Variants in EHMT1 observed in about 807,000 individuals in gnomAD.
EHMT1 encodes euchromatic histone lysine methyltransferase 1, also known as histone-lysine N-methyltransferase EHMT1.
A neutral mutation model predicts 147.2 loss-of-function variants in EHMT1; 15 were observed. That is an observed-to-expected ratio of 0.10 (90% CI 0.07 to 0.16). The LOEUF (loss-of-function observed/expected upper bound fraction) is 0.16, where lower values mean the gene tolerates loss of function less well. Ranked by LOEUF, EHMT1 falls within the 10% of genes least tolerant of loss-of-function variation. EHMT1 has a pLI of 1.00. For synonymous variants in EHMT1, 795 were observed against 709.6 expected, an observed-to-expected ratio of 1.12 and a Z score of -1.91; for missense variants, 1,587 against 1,772.4, an observed-to-expected ratio of 0.90 and a Z score of 1.88.
chr9:137,635,536 C>T (rs1843957836), intron 1 of EHMT1, among the ~76,000 whole-genome samples: 1 of 149,874 alleles, frequency 6.7e-6, no homozygotes, highest in African/African-American at 2.4e-5. Flanking sequence ...TTAACATTTT[C>T]AGAGCTGGGC....
intron 25 of EHMT1, among the ~76,000 whole-genome samples, chr9:137,831,929 C>T (rs1475755914): frequency 6.6e-6 from 1 of 151,774 alleles, no homozygotes; most frequent in Non-Finnish European, 1.5e-5. Context: ...GCTCCCTCCA[C>T]AGGCTCCGCC....
chr9:137,765,130 T>C (rs1221410270), intron 10 of EHMT1, among the ~76,000 whole-genome samples: 1 of 152,244 alleles, frequency 6.6e-6, no homozygotes, highest in African/African-American at 2.4e-5. Flanking sequence ...ATCCATTGTT[T>C]CATTCAAAGT....
chr9:137,689,276 G>T (rs2134796890), intron 1 of EHMT1, among the ~76,000 whole-genome samples: 1 of 152,300 alleles, frequency 6.6e-6, no homozygotes, highest in South Asian at 2.1e-4. Context: ...ATGTGAGTTT[G>T]GTATGTGTCC....
chr9:137,800,643 G>A (rs1217866177), intron 17 of EHMT1: 2 of 573,170 alleles, frequency 3.5e-6, no homozygotes, highest in African/African-American at 3.8e-5. Flanking sequence ...ATGTCGGGCA[G>A]GGTTGTTGGG....
chr9:137,776,550 A>T lies in EHMT1; in HGVS notation c.1792-68A>T. 1 of 1,502,506 alleles carries T rather than the reference A, an allele frequency of 6.7e-7. No homozygotes were observed. Among genetic ancestry groups the T allele is most frequent in the Non-Finnish European group, 9.2e-7 (1 of 1,086,874 alleles). The allele number at this position is 1,502,506 out of a possible 1,614,324, so 93.1% of individuals were successfully genotyped here. A position where few individuals can be genotyped will look rare whatever the true frequency, so the allele number is the denominator to read the frequency against. On this transcript the variant is annotated intron_variant, in intron 11 of 26. Coordinates refer to ENST00000460843, the MANE Select transcript of EHMT1 (RefSeq NM_024757.5). The surrounding 1 kb of genome is among the most constrained non-coding windows in gnomAD (Gnocchi z 4.4). ...ATGTGGGATGCGGTGCCAGTTTAGT[A>T]GTACTTTATTTTTCTAAATATTAAC...
At chr9:137,758,189 A>G (rs1949526159) in intron 9 of EHMT1, among the ~76,000 whole-genome samples, 178 bp downstream of exon 9, 1 of 152,166 alleles carries the variant, frequency 6.6e-6, no homozygotes, top group South Asian at 2.1e-4. Context: ...CCGGTGTTCA[A>G]GTGAAGAAAG....
chr9:137,772,335 G>T (rs1950639110), intron 10 of EHMT1, among the ~76,000 whole-genome samples: 1 of 141,946 alleles, frequency 7.0e-6, no homozygotes, highest in Non-Finnish European at 1.5e-5. Context: ...ATTTTTGAAA[G>T]TTTTCTTAAT....
intron 1 of EHMT1, among the ~76,000 whole-genome samples, chr9:137,642,303 G>A (rs1160648922): frequency 6.6e-6 from 1 of 151,984 alleles, no homozygotes; most frequent in Non-Finnish European, 1.5e-5. Context: ...GTTAGTTTTT[G>A]TTCTTCATGG....
chr9:137,667,384 C>T (rs1939785804), intron 1 of EHMT1: 1 of 152,228 alleles, frequency 6.6e-6, no homozygotes, highest in Non-Finnish European at 1.5e-5. Context: ...TTCTAGGAGC[C>T]ATTTCCCCAG....
intron 1 of EHMT1, among the ~76,000 whole-genome samples, chr9:137,642,544 T>G: frequency 6.6e-6 from 1 of 152,240 alleles, no homozygotes; most frequent in South Asian, 2.1e-4. Context: ...TTTGACTGTA[T>G]TTTTTATTTG....
chr9:137,734,862 T>A (rs1166199916), intron 4 of EHMT1, among the ~76,000 whole-genome samples: 1 of 152,124 alleles, frequency 6.6e-6, no homozygotes, highest in Non-Finnish European at 1.5e-5. Flanking sequence ...CCTTTAAGAG[T>A]GCAGAAGAAA....
intron 16 of EHMT1, among the ~76,000 whole-genome samples, chr9:137,791,616 A>C (rs533969359): frequency 3.9e-5 from 6 of 152,364 alleles, no homozygotes; most frequent in Non-Finnish European, 8.8e-5. Context: ...AAATTAAAGA[A>C]GACCTGAATA....
intron 1 of EHMT1, among the ~76,000 whole-genome samples, chr9:137,704,366 A>G (rs1588256680): frequency 6.6e-6 from 1 of 152,298 alleles, no homozygotes; most frequent in African/African-American, 2.4e-5. Context: ...GTTCTCATAA[A>G]CAAGCAGGAC....
At chr9:137,781,520 G>A (rs1951554808) in intron 14 of EHMT1, among the ~76,000 whole-genome samples, 1 of 152,208 alleles carries the variant, frequency 6.6e-6, no homozygotes, top group South Asian at 2.1e-4. Flanking sequence ...TTTCACCTGT[G>A]CTGATCGCAG....
At chr9:137,720,985 A>C (rs1426472790) in intron 3 of EHMT1, among the ~76,000 whole-genome samples, 1 of 152,054 alleles carries the variant, frequency 6.6e-6, no homozygotes, top group Non-Finnish European at 1.5e-5. Flanking sequence ...GCGATGTTGC[A>C]GTGGCCGCCT....
chr9:137,754,285 G>C lies in EHMT1; in HGVS notation c.1363G>C (p.Ala455Pro). Residue 455 changes from alanine (A) to proline (P), a missense_variant, in exon 8 of 27, where the codon GCC becomes CCC. Physicochemically the swap from Ala to Pro is conservative, Grantham distance 27. Transcript: ENST00000460843. ...GAGAAGTAGAAAGAAGCCCAGCGGT[G>C]CCCTCGGTAAATGCCGTGGGGGTGT... Reference protein sequence around the residue: ...RRRSRKKPSGALGSESYKSSA... With the variant: ...RRRSRKKPSGPLGSESYKSSA... 1 of 1,614,016 alleles carries C rather than the reference G, an allele frequency of 6.2e-7. No individual in the cohort carries two copies. Among genetic ancestry groups the C allele is most frequent in the Non-Finnish European group, 8.5e-7 (1 of 1,179,942 alleles).
At chr9:137,634,710 T>C (rs917792993) in intron 1 of EHMT1, among the ~76,000 whole-genome samples, 6 of 147,980 alleles carry the variant, frequency 4.1e-5, no homozygotes, top group South Asian at 2.1e-4. Flanking sequence ...CTTCTTTCTT[T>C]TTTTTTTTTT....
intron 1 of EHMT1, among the ~76,000 whole-genome samples, chr9:137,640,762 C>G (rs1370752988): frequency 1.3e-5 from 2 of 152,258 alleles, no homozygotes; most frequent in African/African-American, 4.8e-5. Context: ...TGATTCCATA[C>G]AAGTTTGTTG....
At chr9:137,698,238 G>A (rs1943561124) in intron 1 of EHMT1, among the ~76,000 whole-genome samples, 1 of 152,246 alleles carries the variant, frequency 6.6e-6, no homozygotes, top group South Asian at 2.1e-4. Flanking sequence ...GAAAAGCAGG[G>A]ATTGCCGTGG....
Sources: allele counts gnomAD v4.1 joint callset (sites outside exome capture counted in the v4.1 genomes callset), GRCh38; gene constraint gnomAD v4.1.1; non-coding constraint Gnocchi (gnomAD v3.1); transcripts MANE v1.5; gene names NCBI Gene and HGNC (gene_info 2026-07-23, HGNC 2026-07-21).